The following FBN3 variants were observed in gnomAD, a reference collection of about 807,000 sequenced individuals.
The protein encoded by FBN3 is fibrillin-3.
FBN3 carries 234 observed loss-of-function variants against 330.1 expected under a neutral mutation model. The observed-to-expected ratio is 0.71, with a 90% CI of 0.64 to 0.79. The LOEUF (loss-of-function observed/expected upper bound fraction) is 0.79, where lower values mean the gene tolerates loss of function less well. FBN3 is among the 30% of genes least tolerant of loss of function. The pLI is 0.00. For missense variants in FBN3, 3,606 were observed against 3,886.9 expected (o/e 0.93, Z 1.92); for synonymous variants, 1,458 against 1,517.3 (o/e 0.96, Z 0.91).
At chr19:8,111,559 G>T in intron 32 of FBN3, 89 bp downstream of exon 32, 1 of 1,381,368 alleles carries the variant, frequency 7.2e-7, no homozygotes. Flanking sequence ...GAAGGAGTCA[G>T]GAGGTCGAGT....
chr19:8,073,181 C>G lies in FBN3; in HGVS notation c.7819G>C (p.Gly2607Arg). Residue 2607 changes from glycine (G) to arginine (R), a missense_variant, in exon 62 of 64, where the codon GGC becomes CGC. Physicochemically the swap from Gly to Arg is moderately radical, Grantham distance 125. Transcript: ENST00000600128. ...SGFDFDQALG[G>R]CQEVDECAGR... is the part of the protein sequence containing the mutation. ...GCGCACTCATCCACCTCCTGGCAGC[C>G]CCCGAGGGCCTGATCAAAGTCAAAG... 6.2e-7 allele frequency: 1 copy of G among 1,613,968 alleles called. No individual in the cohort carries two copies. The highest frequency in any genetic ancestry group is 8.5e-7 in the Non-Finnish European group (1 of 1,179,984).
At chr19:8,080,917 T>C (rs61501857) in intron 59 of FBN3, 86 bp downstream of exon 59, 172,737 of 985,752 alleles carry the variant, frequency 0.18, 15,656 homozygotes, top group Non-Finnish European at 0.19. Flanking sequence ...CCATTGCGCC[T>C]GGCCAACTTG....
intron 37 of FBN3, 46 bp downstream of exon 37, chr19:8,108,124 C>T (rs1161903631): frequency 6.4e-7 from 1 of 1,557,664 alleles, no homozygotes; most frequent in Admixed American, 1.8e-5. Context: ...AGAGAAAAGT[C>T]AGTCTCTAGG....
chr19:8,138,371 C>T, intron 9 of FBN3, 41 bp downstream of exon 9: 2 of 1,610,160 alleles, frequency 1.2e-6, no homozygotes, highest in Non-Finnish European at 1.7e-6. Flanking sequence ...TCCCCTGTCC[C>T]CTCCTCACCC....
chr19:8,077,110 G>A (rs1266680726), intron 59 of FBN3, among the ~76,000 whole-genome samples: 4 of 152,176 alleles, frequency 2.6e-5, no homozygotes, highest in East Asian at 1.9e-4. Flanking sequence ...GCAGTCTATG[G>A]TATTTTGTTA....
At position 8,073,244 on chromosome 19, in the gene FBN3, T is replaced by C; in HGVS notation, c.7756A>G (p.Asn2586Asp). The C allele has an allele frequency of 6.2e-7, 1 of 1,613,806 alleles. No individual in the cohort carries two copies. The highest frequency in any genetic ancestry group is 8.5e-7 in the Non-Finnish European group (1 of 1,179,932). The change falls in exon 62 of 64, where the codon AAC becomes GAC. Residue 2586 changes from asparagine (N) to aspartate (D), a missense_variant. Transcript: ENST00000600128. ...PPTCGSASCR[N>D]TLGGFRCVCP... is the part of the protein sequence containing the mutation. Reference sequence around the variant, plus strand: ...ACGCAGCGGAAGCCACCAAGAGTGTTGCGACAGGAGGCGCTCCCGCAGGTG... The same window carrying C: ...ACGCAGCGGAAGCCACCAAGAGTGTCGCGACAGGAGGCGCTCCCGCAGGTG...
At chr19:8,069,444 T>G (rs143865548) in intron 63 of FBN3, among the ~76,000 whole-genome samples, 6 of 152,110 alleles carry the variant, frequency 3.9e-5, no homozygotes, top group Non-Finnish European at 5.9e-5. Context: ...CGGAGTGTTT[T>G]GCTGTTGCAT....
rs1202227080 is a variant in FBN3, at chr19:8,075,129, G to T, written c.7644C>A (p.Gly2548=). ...CQHGCQNQLG[G]YRCSCPQGFT... ...AACCCTGGGGGCAGCTGCAGCGGTA[G>T]CCCCCTAGCTGGTTCTGACAGCCAT... The change falls in exon 61 of 64, where the codon GGC becomes GGA. Residue 2548 remains glycine, a synonymous_variant. Transcript: ENST00000600128. 22 of 1,586,644 alleles carry T rather than the reference G, an allele frequency of 1.4e-5. No individual in the cohort carries two copies. Among genetic ancestry groups the T allele is most frequent in the Non-Finnish European group, 1.9e-5 (22 of 1,166,098 alleles).
At chr19:8,103,917 A>G (rs1291956294) in intron 38 of FBN3, among the ~76,000 whole-genome samples, 1 of 151,992 alleles carries the variant, frequency 6.6e-6, no homozygotes, top group African/African-American at 2.4e-5. Context: ...TGGGAGGATC[A>G]TTTGAGCCCG....
intron 24 of FBN3, among the ~76,000 whole-genome samples, chr19:8,122,548 G>A (rs1261544505): frequency 3.3e-5 from 5 of 151,534 alleles, no homozygotes; most frequent in African/African-American, 1.2e-4. Flanking sequence ...TGTATCTTTA[G>A]TAGAGACGGG....
intron 5 of FBN3, among the ~76,000 whole-genome samples, chr19:8,145,412 A>G (rs938653745): frequency 6.1e-5 from 9 of 146,418 alleles, no homozygotes; most frequent in East Asian, 2.0e-4. Context: ...CGGGCACGGT[A>G]GCTCACGCCT....
chr19:8,086,353 G>A, intron 54 of FBN3, 28 bp from the exon 55 acceptor site: 2 of 1,571,478 alleles, frequency 1.3e-6, no homozygotes, highest in Non-Finnish European at 1.7e-6. Flanking sequence ...AGGCAGGTGG[G>A]CGGGGAGGCC....
In FBN3 at chr19:8,087,862, G is replaced by A. The variant is rs753652593; in HGVS notation, c.6582C>T (p.Ala2194=). The A allele has an allele frequency of 1.2e-5, 20 of 1,614,096 alleles. No individual in the cohort carries two copies. The highest frequency in any genetic ancestry group is 1.1e-4 in the South Asian group (10 of 91,078). Residue 2194 remains alanine, a synonymous_variant, in exon 53 of 64, where the codon GCC becomes GCT. Transcript: ENST00000600128. The part of the protein sequence containing the change: ...TEGSYLCTCP[A]GYTLREDGAM... The stretch of plus-strand genomic sequence containing the variant: ...CCCCATCCTCCCGCAGGGTGTAGCC[G>A]GCTGGACAGGTGCACAGGTAGGAGC...
chr19:8,123,788 A>G lies in FBN3; in HGVS notation c.2952T>C (p.Tyr984=). The stretch of plus-strand genomic sequence containing the variant: ...TGACCCCTTCCCCAACCGCACCTTT[A>G]TAGAATGGTCGGCCAGACAGGAAGT... The part of the protein sequence containing the change: ...SRDFLSGRPF[Y]KDVNECKVFP... The change falls in exon 23 of 64, where the codon TAT becomes TAC. Residue 984 remains tyrosine (Y), a synonymous_variant. Coordinates refer to ENST00000600128, the MANE Select transcript of FBN3 (RefSeq NM_032447.5). 1 of 1,612,988 alleles carries G rather than the reference A, an allele frequency of 6.2e-7. No homozygotes were observed. The highest frequency in any genetic ancestry group is 8.5e-7 in the Non-Finnish European group (1 of 1,179,846).
intron 25 of FBN3, among the ~76,000 whole-genome samples, chr19:8,120,476 TCTTCCTTC>T (rs139010928): frequency 0.23 from 34,096 of 149,710 alleles, 4,335 homozygotes; most frequent in East Asian, 0.34. Context: ...GGCTTTTTCC[TCTTCCTTC>T]CTTCCTTCCT....
In FBN3 at chr19:8,145,041, C is replaced by T. The variant is rs1286246409; in HGVS notation, c.446-69G>A. 3 of 1,364,162 alleles carry T rather than the reference C, an allele frequency of 2.2e-6. No homozygotes were observed. The African/African-American group carries it at 4.3e-5, about 19-fold the overall frequency. The allele number at this position is 1,364,162 out of a possible 1,614,324, so 84.5% of individuals were successfully genotyped here. On this transcript the variant is annotated intron_variant, in intron 5 of 63. Coordinates refer to ENST00000600128, the MANE Select transcript of FBN3 (RefSeq NM_032447.5). The stretch of plus-strand genomic sequence containing the variant: ...GAGAGAGCTGGGGTTCACAGCAAGC[C>T]TGTCTTCACCCAGGAATCCCCAGGA...
At chr19:8,068,128 T>C (rs1354644237) in intron 63 of FBN3, among the ~76,000 whole-genome samples, 1 of 152,050 alleles carries the variant, frequency 6.6e-6, no homozygotes, top group African/African-American at 2.4e-5. Flanking sequence ...GGCTCACACC[T>C]GTAATCCCAG....
At chr19:8,083,842 G>A (rs554225041) in intron 56 of FBN3, among the ~76,000 whole-genome samples, 7 of 134,558 alleles carry the variant, frequency 5.2e-5, no homozygotes, top group African/African-American at 1.7e-4. Context: ...TCGCTCTGTC[G>A]CCCAGGCTGG....
intron 38 of FBN3, 114 bp downstream of exon 38, chr19:8,105,994 G>A (rs1299652813): frequency 7.2e-6 from 9 of 1,244,950 alleles, no homozygotes; most frequent in Non-Finnish European, 1.0e-5. Flanking sequence ...GAGGCAGGGG[G>A]CAGAAGCCTT....
Sources: allele counts gnomAD v4.1 joint callset (sites outside exome capture counted in the v4.1 genomes callset), GRCh38; gene constraint gnomAD v4.1.1; transcripts MANE v1.5; gene names NCBI Gene and HGNC (gene_info 2026-07-23, HGNC 2026-07-21).